Variants in SOS1 observed in about 807,000 individuals in gnomAD.
SOS1 encodes SOS Ras/Rac guanine nucleotide exchange factor 1.
A neutral mutation model predicts 157.6 loss-of-function variants in SOS1; 25 were observed. The observed-to-expected ratio is 0.16, with a 90% CI of 0.12 to 0.22. SOS1 has a LOEUF of 0.22. Among genes scored for constraint, SOS1 ranks in the 10% least tolerant of loss-of-function variants. SOS1 has a pLI of 1.00. For synonymous variants in SOS1, 528 were observed against 534.0 expected, an observed-to-expected ratio of 0.99 and a Z score of 0.16; for missense variants, 1,237 against 1,599.1, an observed-to-expected ratio of 0.77 and a Z score of 3.86.
chr2:39,062,435 T>TAAAAAAAAAAAAAA (rs397974197), intron 2 of SOS1, among the ~76,000 whole-genome samples: 60 of 138,380 alleles, frequency 4.3e-4, no homozygotes, highest in Non-Finnish European at 7.0e-4. Context: ...AAAAAAAAAT[T>TAAAAAAAAAAAAAA]AAAAAAAAAA....
intron 8 of SOS1, among the ~76,000 whole-genome samples, chr2:39,025,611 C>T (rs1433783172): frequency 7.9e-5 from 12 of 152,044 alleles, no homozygotes; most frequent in Middle Eastern, 3.4e-3. Context: ...CTGCCTGCTT[C>T]GGCCTCCCAA....
At chr2:39,106,507 C>T (rs368085210) in intron 1 of SOS1, among the ~76,000 whole-genome samples, 3 of 146,898 alleles carry the variant, frequency 2.0e-5, no homozygotes, top group South Asian at 2.1e-4. Flanking sequence ...AGGAGAATGG[C>T]GTGAACCCGG....
In SOS1 at chr2:39,096,197, T is replaced by C. The variant is rs148667671; in HGVS notation, c.87+24139A>G. ...GCAGACTTGGCTAGAGATAAAGTTT[T>C]TAAAAGAAGGAAGAGGATAGCCTTA... On this transcript the variant is annotated intron_variant, in intron 1 of 22. Coordinates refer to ENST00000402219, the MANE Select transcript of SOS1 (RefSeq NM_005633.4). Among the ~76,000 whole-genome samples the C allele has an allele frequency of 5.3e-5, 8 of 152,322 alleles. No homozygotes were observed. The East Asian group carries it at 1.5e-3, about 29-fold the overall frequency.
At chr2:39,076,357 C>T (rs530073441) in intron 1 of SOS1, among the ~76,000 whole-genome samples, 2 of 151,756 alleles carry the variant, frequency 1.3e-5, no homozygotes, top group East Asian at 1.9e-4. Context: ...CCAAGATCAA[C>T]CACTGCACTC....
chr2:39,099,063 A>G (rs1672873705), intron 1 of SOS1, among the ~76,000 whole-genome samples: 1 of 152,224 alleles, frequency 6.6e-6, no homozygotes, highest in Admixed American at 6.5e-5. Flanking sequence ...ATGAGATATC[A>G]CCTCATATCC....
chr2:39,058,235 C>A (rs1671283309), intron 3 of SOS1, among the ~76,000 whole-genome samples: 1 of 151,952 alleles, frequency 6.6e-6, no homozygotes, highest in Non-Finnish European at 1.5e-5. Context: ...ATAAGTAGGA[C>A]TGGAGAGTTT....
chr2:39,072,460 T>A (rs1021977806), intron 1 of SOS1, among the ~76,000 whole-genome samples: 3 of 152,182 alleles, frequency 2.0e-5, no homozygotes, highest in Admixed American at 6.5e-5. Flanking sequence ...CATAAGCCTT[T>A]AAAGCAGAAA....
chr2:39,049,787 T>C (rs1670931679), intron 6 of SOS1, among the ~76,000 whole-genome samples: 1 of 152,236 alleles, frequency 6.6e-6, no homozygotes, highest in Non-Finnish European at 1.5e-5. Context: ...GTTAAGTTAT[T>C]ATTGTAAGGC....
Position 39,090,956 on chromosome 2 carries a change from C to A in SOS1, c.88-23203G>T, listed in dbSNP as rs187142993. On this transcript the variant is annotated intron_variant, in intron 1 of 22. Transcript: ENST00000402219. ...CGATTTTGGCTCACTGCAACCTCAA[C>A]CTCCTGGGTTCAAGCGATTCTCCTG... Among the ~76,000 whole-genome samples the A allele has an allele frequency of 2.6e-5, 4 of 152,214 alleles. No homozygotes were observed. In the East Asian group the frequency reaches 7.8e-4, roughly 30 times the overall value.
intron 2 of SOS1, among the ~76,000 whole-genome samples, chr2:39,066,955 T>TA (rs1671608095): frequency 6.6e-6 from 1 of 152,222 alleles, no homozygotes; most frequent in Non-Finnish European, 1.5e-5. Context: ...ATGTATAGTT[T>TA]AACAGCTAGA....
intron 8 of SOS1, among the ~76,000 whole-genome samples, chr2:39,031,881 T>C (rs937542362): frequency 2.2e-4 from 34 of 152,326 alleles, no homozygotes; most frequent in African/African-American, 8.2e-4. Flanking sequence ...GAAGTTTTTT[T>C]ACTTCATAAA....
chr2:39,036,231 G>C (rs1670338301), intron 6 of SOS1, among the ~76,000 whole-genome samples: 1 of 152,078 alleles, frequency 6.6e-6, no homozygotes, highest in African/African-American at 2.4e-5. Flanking sequence ...TTCCATAAAG[G>C]GTAATTCTAG....
rs1263221891 is a variant in SOS1, at chr2:39,056,779, C to T, written c.433G>A (p.Val145Ile). ...EYISADILKL[V>I]GNYVRNIRHY... ...CGTATATTTCTTACATAATTCCCAA[C>T]CAGCTTTAAAATGTCTGCAGAAATG... Residue 145 changes from valine to isoleucine, a missense_variant, in exon 4 of 23, where the codon GTT (valine) becomes ATT (isoleucine). Coordinates refer to ENST00000402219, the MANE Select transcript of SOS1 (RefSeq NM_005633.4). 2 of 1,599,722 alleles carry T rather than the reference C, an allele frequency of 1.3e-6. No individual in the cohort carries two copies. Among genetic ancestry groups the T allele is most frequent in the Non-Finnish European group, 1.7e-6 (2 of 1,167,132 alleles).
chr2:39,010,586 C>T lies in SOS1; in HGVS notation c.2508G>A (p.Glu836=), dbSNP rs2124511405. 6.2e-7 allele frequency: 1 copy of T among 1,609,794 alleles called. No homozygotes were observed. The highest frequency in any genetic ancestry group is 8.5e-7 in the Non-Finnish European group (1 of 1,176,188). ...RHTTNLTLWF[E]KCIVETENLE... ...ATAAGAATGCTAGGAATACTTACTT[C>T]TCAAACCACAGAGTGAGGTTGGTGG... The change falls in exon 15 of 23, where the codon GAG becomes GAA. Residue 836 remains glutamate (E), a splice_region_variant and synonymous_variant. Transcript: ENST00000402219.
intron 17 of SOS1, among the ~76,000 whole-genome samples, chr2:39,004,455 AAGT>A (rs1669221689): frequency 1.3e-5 from 2 of 151,696 alleles, no homozygotes; most frequent in Non-Finnish European, 2.9e-5. Flanking sequence ...AACAGGGAAA[AAGT>A]AGAATCATTC....
chr2:39,000,102 G>A (rs1211463102), intron 17 of SOS1, among the ~76,000 whole-genome samples: 3 of 152,124 alleles, frequency 2.0e-5, no homozygotes, highest in Non-Finnish European at 4.4e-5. Context: ...GGAGGAAATG[G>A]GGGCAGTGGG....
intron 1 of SOS1, among the ~76,000 whole-genome samples, chr2:39,099,377 T>C (rs1672885943): frequency 6.6e-6 from 1 of 152,188 alleles, no homozygotes; most frequent in Non-Finnish European, 1.5e-5. Flanking sequence ...TCCATTTATA[T>C]GAAATGTCCA....
At chr2:39,088,302 G>C (rs1672455719) in intron 1 of SOS1, among the ~76,000 whole-genome samples, 1 of 149,662 alleles carries the variant, frequency 6.7e-6, no homozygotes, top group Admixed American at 6.8e-5. Flanking sequence ...CTGAGATGGA[G>C]CGAAGGAAGT....
intron 1 of SOS1, among the ~76,000 whole-genome samples, chr2:39,081,644 G>A (rs1251292808): frequency 6.6e-6 from 1 of 151,996 alleles, no homozygotes; most frequent in African/African-American, 2.4e-5. Flanking sequence ...GGCCAACATG[G>A]CGAAACGCCG....
Sources: allele counts gnomAD v4.1 joint callset (sites outside exome capture counted in the v4.1 genomes callset), GRCh38; gene constraint gnomAD v4.1.1; transcripts MANE v1.5; gene names NCBI Gene and HGNC (gene_info 2026-07-23, HGNC 2026-07-21).